Variants in PRKG1 observed in about 807,000 individuals in gnomAD.
The protein encoded by PRKG1 is cGMP-dependent protein kinase 1.
In PRKG1, 35 loss-of-function variants were observed where a neutral mutation model predicts 88.1. The ratio of observed to expected loss-of-function variants is 0.40; its 90% CI spans 0.30 to 0.53. PRKG1 has a LOEUF of 0.53. Ranked by LOEUF, PRKG1 falls within the 20% of genes least tolerant of loss-of-function variation. The pLI, the probability that PRKG1 is intolerant of heterozygous loss-of-function variation, is 0.59. For missense variants in PRKG1, 540 were observed against 839.8 expected (o/e 0.64, Z 4.41); for synonymous variants, 303 against 292.5 (o/e 1.04, Z -0.37).
At chr10:52,197,655 G>A (rs1465622370) in intron 9 of PRKG1, among the ~76,000 whole-genome samples, 1 of 152,088 alleles carries the variant, frequency 6.6e-6, no homozygotes, top group Non-Finnish European at 1.5e-5. Context: ...GGTCACACTG[G>A]GTCAGTATAC....
At position 51,359,457 on chromosome 10, in the gene PRKG1, T is replaced by C. The variant is rs576775008; in HGVS notation, c.479-108266T>C. On this transcript the variant is annotated intron_variant, in intron 2 of 17. Transcript: ENST00000373980. The stretch of plus-strand genomic sequence containing the variant: ...ACTTGGCCAGTCATTTGTGTGTGTG[T>C]GCGTGTGTGTGTGTGTGTATACAGG... Among the ~76,000 whole-genome samples, 25 of 133,274 alleles carry C rather than the reference T, an allele frequency of 1.9e-4. No homozygotes were observed. The East Asian group carries it at 2.9e-3, about 16-fold the overall frequency. 87.4% of individuals were successfully genotyped at this position (133,274 alleles called of 152,430 possible).
At chr10:51,060,397 T>C (rs1843679876) in intron 1 of PRKG1, among the ~76,000 whole-genome samples, 1 of 152,086 alleles carries the variant, frequency 6.6e-6, no homozygotes, top group Non-Finnish European at 1.5e-5. Context: ...TTTTTGCCTC[T>C]ACTTTAATGA....
chr10:52,255,069 A>G (rs1841276295), intron 10 of PRKG1, among the ~76,000 whole-genome samples: 1 of 152,054 alleles, frequency 6.6e-6, no homozygotes, highest in African/African-American at 2.4e-5. Context: ...GGTCTTTCTA[A>G]TGTGTTCAGT....
chr10:51,232,474 A>G (rs927557613), intron 2 of PRKG1, among the ~76,000 whole-genome samples: 2 of 152,190 alleles, frequency 1.3e-5, no homozygotes, highest in East Asian at 3.9e-4. Context: ...TGGACTTGAA[A>G]AAATGGATAT....
rs1021133963 is a variant in PRKG1, at chr10:51,422,139, G to A, written c.479-45584G>A. ...CTCTGAGAGCTTTAAAAGTTGTCATGAAGGAAAGTGAGGAACTGGATCTCC... is the reference window on the plus strand; with the variant it reads ...CTCTGAGAGCTTTAAAAGTTGTCATAAAGGAAAGTGAGGAACTGGATCTCC... On this transcript the variant is annotated intron_variant, in intron 2 of 17. Transcript: ENST00000373980. 2.0e-5 allele frequency among the ~76,000 whole-genome samples: 3 copies of A among 152,292 alleles called. No individual in the cohort carries two copies. In the East Asian group the frequency reaches 5.8e-4, roughly 29 times the overall value.
chr10:51,710,711 A>G lies in PRKG1; in HGVS notation c.593-93874A>G, dbSNP rs571320906. On this transcript the variant is annotated intron_variant, in intron 3 of 17. Coordinates refer to ENST00000373980, the MANE Select transcript of PRKG1 (RefSeq NM_006258.4). ...ACTTAAATGACTACGATTAAATTTA[A>G]ATATCATTGTGCTTTAAGCAAATGA... is the stretch of plus-strand genomic sequence containing the variant. Among the ~76,000 whole-genome samples the G allele has an allele frequency of 2.0e-5, 3 of 152,386 alleles. No individual in the cohort carries two copies. In the East Asian group the frequency reaches 5.8e-4, roughly 29 times the overall value.
chr10:52,260,322 C>G (rs549515120), intron 10 of PRKG1, among the ~76,000 whole-genome samples: 17 of 152,100 alleles, frequency 1.1e-4, no homozygotes, highest in African/African-American at 3.9e-4. Flanking sequence ...TAAAGTTTTC[C>G]AGTATGTAAC....
chr10:52,163,225 TTGTG>T (rs150295348), intron 9 of PRKG1, among the ~76,000 whole-genome samples: 11 of 146,798 alleles, frequency 7.5e-5, no homozygotes, highest in Non-Finnish European at 1.4e-4. Flanking sequence ...TTTCGTGTGT[TTGTG>T]TGTGTGTGTG....
At chr10:51,601,456 T>C (rs566735088) in intron 3 of PRKG1, among the ~76,000 whole-genome samples, 119 of 152,342 alleles carry the variant, frequency 7.8e-4, no homozygotes, top group Non-Finnish European at 1.3e-3. Context: ...GAATTGCGTC[T>C]GTAAACAAGG....
Position 51,123,882 on chromosome 10 carries a change from G to A in PRKG1, c.312-29282G>A, listed in dbSNP as rs142990024. Among the ~76,000 whole-genome samples the A allele has an allele frequency of 1.3e-3, 198 of 152,122 alleles. 2 individuals carry two copies. The highest frequency in any genetic ancestry group is 3.4e-3 in the African/African-American group (141 of 41,506). On this transcript the variant is annotated intron_variant, in intron 1 of 17. Coordinates refer to ENST00000373980, the MANE Select transcript of PRKG1 (RefSeq NM_006258.4). ...GGCACTTCACGTGGTGAAAGCAGGC[G>A]CGAGAGAGTGAAGGGAGGGAGGTGT...
At chr10:52,200,220 T>C (rs1466847928) in intron 9 of PRKG1, among the ~76,000 whole-genome samples, 4 of 152,072 alleles carry the variant, frequency 2.6e-5, no homozygotes, top group Non-Finnish European at 5.9e-5. Context: ...CACCCTCCAC[T>C]ATCAAACAGG....
chr10:51,670,748 ATAAATAAAT>A (rs1840548879), intron 3 of PRKG1, among the ~76,000 whole-genome samples: 2 of 106,094 alleles, frequency 1.9e-5, no homozygotes, highest in East Asian at 2.3e-4. Context: ...AAAAAAATAA[ATAAATAAAT>A]AAATAAATAA....
At chr10:52,067,063 T>G (rs138081880) in intron 7 of PRKG1, among the ~76,000 whole-genome samples, 1 of 152,354 alleles carries the variant, frequency 6.6e-6, no homozygotes, top group Non-Finnish European at 1.5e-5. Flanking sequence ...ATTCCAACAT[T>G]TCGCAAATCA....
At chr10:51,193,526 C>T (rs907714796) in intron 2 of PRKG1, among the ~76,000 whole-genome samples, 1 of 152,082 alleles carries the variant, frequency 6.6e-6, no homozygotes, top group East Asian at 1.9e-4. Context: ...AGATCATCTG[C>T]GCCATCAGTG....
At chr10:51,556,889 T>C (rs1376745626) in intron 3 of PRKG1, among the ~76,000 whole-genome samples, 5 of 152,070 alleles carry the variant, frequency 3.3e-5, no homozygotes, top group African/African-American at 9.7e-5. Context: ...GTTGAAATTA[T>C]AAAGAAAACA....
intron 1 of PRKG1, among the ~76,000 whole-genome samples, chr10:51,038,725 T>TA (rs1305950651): frequency 1.3e-5 from 2 of 152,204 alleles, no homozygotes; most frequent in Non-Finnish European, 2.9e-5. Context: ...CTTTATTCAT[T>TA]TATCGTTTGA....
chr10:51,738,140 G>A (rs371094804), intron 3 of PRKG1, among the ~76,000 whole-genome samples: 8 of 152,106 alleles, frequency 5.3e-5, no homozygotes, highest in African/African-American at 1.4e-4. Flanking sequence ...GAAAATAAGA[G>A]TATTGGTCAA....
intron 5 of PRKG1, among the ~76,000 whole-genome samples, chr10:51,947,592 A>C (rs995542228): frequency 6.6e-6 from 1 of 152,078 alleles, no homozygotes; most frequent in South Asian, 2.1e-4. Flanking sequence ...AGCTGTTCCT[A>C]TTCGGCCATC....
At chr10:52,251,698 G>A (rs369298341) in intron 10 of PRKG1, 32 bp downstream of exon 10, 34 of 1,530,516 alleles carry the variant, frequency 2.2e-5, no homozygotes, top group African/African-American at 1.4e-4. Context: ...GCTTTTGATC[G>A]CCTCTGCTTC....
Sources: gnomAD v4.1 joint callset for allele counts (sites outside exome capture counted in the v4.1 genomes callset) on GRCh38, gnomAD v4.1.1 for gene constraint, MANE v1.5 for transcripts, NCBI Gene and HGNC (gene_info 2026-07-23, HGNC 2026-07-21) for gene names.